SDAD1: variants seen among roughly 807,000 people sequenced by gnomAD.
The protein encoded by SDAD1 is protein SDA1 homolog.
Under a neutral mutation model 100.3 loss-of-function variants are expected in SDAD1, and 79 were observed. That is an observed-to-expected ratio of 0.79 (90% CI 0.66 to 0.95). The LOEUF is 0.95. SDAD1 is among the 40% of genes least tolerant of loss of function. The pLI is 0.00. For synonymous variants in SDAD1, 267 were observed against 271.4 expected, an observed-to-expected ratio of 0.98 and a Z score of 0.16; for missense variants, 790 against 810.9, an observed-to-expected ratio of 0.97 and a Z score of 0.31.
chr4:75,961,388 G>A, intron 14 of SDAD1, 80 bp from the exon 15 acceptor site: 1 of 1,047,852 alleles, frequency 9.5e-7, no homozygotes, highest in Non-Finnish European at 1.4e-6. Flanking sequence ...TTCCTAAAAA[G>A]ATTAACTCAA....
At chr4:75,957,297 A>G (rs1461117173) in intron 20 of SDAD1, 28 bp downstream of exon 20, 1 of 1,578,712 alleles carries the variant, frequency 6.3e-7, no homozygotes, top group Non-Finnish European at 8.6e-7. Context: ...TTTCTGTTTA[A>G]AAAACTAGGA....
intron 2 of SDAD1, 171 bp from the exon 3 acceptor site, chr4:75,981,641 A>G (rs1405047686): frequency 1.8e-6 from 2 of 1,141,240 alleles, no homozygotes; most frequent in African/African-American, 1.5e-5. Flanking sequence ...AACATTTATC[A>G]TGGTTTCTCT....
chr4:75,969,279 C>T lies in SDAD1; in HGVS notation c.987+17G>A, dbSNP rs774637738. On this transcript the variant is annotated intron_variant, in intron 11 of 21. Coordinates refer to ENST00000356260, the MANE Select transcript of SDAD1 (RefSeq NM_018115.4). Reference sequence around the variant, plus strand: ...TACTTCAAATATTCACCAAGAGAAACATAATATAATTCAAACCTCATGAAT... The same window carrying T: ...TACTTCAAATATTCACCAAGAGAAATATAATATAATTCAAACCTCATGAAT... 6.3e-7 allele frequency: 1 copy of T among 1,582,932 alleles called. No individual in the cohort carries two copies. The highest frequency in any genetic ancestry group is 2.2e-5 in the East Asian group (1 of 44,584).
chr4:75,952,621 G>A (rs1728677102), intron 21 of SDAD1, among the ~76,000 whole-genome samples: 1 of 152,138 alleles, frequency 6.6e-6, no homozygotes, highest in Non-Finnish European at 1.5e-5. Flanking sequence ...TCACCAAAGG[G>A]TAGGGGGGTG....
rs751975432 is a variant in SDAD1, at chr4:75,974,086, T to C, written c.626A>G (p.Lys209Arg). The change falls in exon 7 of 22, where the codon AAG becomes AGG. Residue 209 changes from lysine to arginine, a missense_variant. Transcript: ENST00000356260. The part of the protein sequence containing the change: ...VNVITTACFS[K>R]VTKILVAALT... Reference sequence around the variant, plus strand: ...CCTATAGGTGCTCACCTTGGTGACCTTAGAGAAACATGCAGTTGTGATAAC... The same window carrying C: ...CCTATAGGTGCTCACCTTGGTGACCCTAGAGAAACATGCAGTTGTGATAAC... 3 of 1,613,618 alleles carry C rather than the reference T, an allele frequency of 1.9e-6. No homozygotes were observed. The Admixed American group carries it at 5.0e-5, about 27-fold the overall frequency.
At chr4:75,956,415 T>G (rs1728898968) in intron 20 of SDAD1, among the ~76,000 whole-genome samples, 1 of 151,226 alleles carries the variant, frequency 6.6e-6, no homozygotes, top group African/African-American at 2.4e-5. Flanking sequence ...TTGTTTTTTT[T>G]TTTTTTGCAG....
At position 75,982,097 on chromosome 4, in the gene SDAD1, C is replaced by T. The variant is rs374841573; in HGVS notation, c.91-60G>A. The T allele has an allele frequency of 1.3e-4, 124 of 955,812 alleles. No homozygotes were observed. In the African/African-American group the frequency reaches 1.8e-3, roughly 14 times the overall value. 59.2% of individuals were successfully genotyped at this position (955,812 alleles called of 1,614,324 possible). ...TATTACATGACTTTCTCAGTACAGA[C>T]ATTCAGTAGAGAAATTCTTAGTAGA... On this transcript the variant is annotated intron_variant, in intron 1 of 21. Coordinates refer to ENST00000356260, the MANE Select transcript of SDAD1 (RefSeq NM_018115.4).
intron 1 of SDAD1, among the ~76,000 whole-genome samples, chr4:75,986,219 A>C (rs530839700): frequency 6.6e-6 from 1 of 152,200 alleles, no homozygotes; most frequent in African/African-American, 2.4e-5. Flanking sequence ...CCTGGGTTTA[A>C]TCAATCCAAC....
chr4:75,969,485 T>TA (rs755650053), intron 10 of SDAD1, 86 bp from the exon 11 acceptor site: 9 of 839,030 alleles, frequency 1.1e-5, no homozygotes, highest in Middle Eastern at 2.2e-4. Context: ...AGACAATAGT[T>TA]AGATCAGTGA....
chr4:75,970,337 T>G lies in SDAD1; in HGVS notation c.855A>C (p.Ser285=), dbSNP rs1209680955. 1.2e-6 allele frequency: 2 copies of G among 1,613,922 alleles called. No individual in the cohort carries two copies. Among genetic ancestry groups the G allele is most frequent in the Non-Finnish European group, 1.7e-6 (2 of 1,179,912 alleles). ...GGGGATCATGAATCAAGTGAATGGCTGAAAAGTTAAACACCTCTGGTTTTT... is the reference window on the plus strand; with the variant it reads ...GGGGATCATGAATCAAGTGAATGGCGGAAAAGTTAAACACCTCTGGTTTTT... ...KKKKPEVFNF[S]AIHLIHDPQD... Residue 285 remains serine, a synonymous_variant, in exon 10 of 22, where the codon TCA becomes TCC. Coordinates refer to ENST00000356260, the MANE Select transcript of SDAD1 (RefSeq NM_018115.4).
intron 12 of SDAD1, among the ~76,000 whole-genome samples, chr4:75,967,034 T>A (rs1729585998): frequency 6.6e-6 from 1 of 152,202 alleles, no homozygotes; most frequent in Non-Finnish European, 1.5e-5. Context: ...CCCAAAGTGC[T>A]GGGATTACAG....
rs1292606495 is a variant in SDAD1, at chr4:75,950,384, T to TAC, written c.*364_*365dup. 1.1e-5 allele frequency: 2 copies of TAC among 183,166 alleles called. No individual in the cohort carries two copies. Among genetic ancestry groups the TAC allele is most frequent in the Non-Finnish European group, 2.3e-5 (2 of 86,266 alleles). The allele number at this position is 183,166 out of a possible 1,614,324, so 11.3% of individuals were successfully genotyped here. A position where few individuals can be genotyped will look rare whatever the true frequency, so the allele number is the denominator to read the frequency against. On this transcript the variant is annotated 3_prime_UTR_variant, in exon 22 of 22. Coordinates refer to ENST00000356260, the MANE Select transcript of SDAD1 (RefSeq NM_018115.4). The stretch of plus-strand genomic sequence containing the variant: ...AGTTAACCTCTACTACAGAACTATT[T>TAC]ACACTGCACTGTAAATACACATATG...
At chr4:75,969,490 C>T (rs1729743295) in intron 10 of SDAD1, 91 bp from the exon 11 acceptor site, 3 of 798,168 alleles carry the variant, frequency 3.8e-6, no homozygotes, top group Non-Finnish European at 6.3e-6. Flanking sequence ...ATAGTTAGAT[C>T]AGTGAATAGA....
In SDAD1 at chr4:75,981,479, A is replaced by C; in HGVS notation, c.196-9T>G. ...GGGTAGCAGTGACTAATCTGTAACA[A>C]AGCAAAGGCTCTTCTGAAGTTGCTC... On this transcript the variant is annotated splice_polypyrimidine_tract_variant and intron_variant, in intron 2 of 21. Coordinates refer to ENST00000356260, the MANE Select transcript of SDAD1 (RefSeq NM_018115.4). 1.2e-6 allele frequency: 2 copies of C among 1,613,626 alleles called. No individual in the cohort carries two copies. Among genetic ancestry groups the C allele is most frequent in the Non-Finnish European group, 1.7e-6 (2 of 1,179,764 alleles).
intron 9 of SDAD1, 100 bp from the exon 10 acceptor site, chr4:75,970,478 T>TAA (rs1296259180): frequency 1.3e-6 from 1 of 798,272 alleles, no homozygotes; most frequent in Non-Finnish European, 1.9e-6. Context: ...TTAGACTCTT[T>TAA]AAAAAGAAAA....
chr4:75,966,267 T>TATAC (rs1457699990), intron 12 of SDAD1, among the ~76,000 whole-genome samples: 2 of 139,178 alleles, frequency 1.4e-5, no homozygotes, highest in African/African-American at 5.3e-5. Context: ...AATGAATGCA[T>TATAC]ACACACACAC....
chr4:75,975,729 A>G lies in SDAD1; in HGVS notation c.578+15T>C, dbSNP rs755805864. 1.9e-6 allele frequency: 3 copies of G among 1,568,048 alleles called. No individual in the cohort carries two copies. Among genetic ancestry groups the G allele is most frequent in the Non-Finnish European group, 2.6e-6 (3 of 1,139,804 alleles). On this transcript the variant is annotated intron_variant, in intron 6 of 21. Transcript: ENST00000356260. ...AAAGAGTCTACTTCTCAAGAGACAA[A>G]TATATATACACTACCAGATGTTCCT...
chr4:75,955,983 C>T lies in SDAD1; in HGVS notation c.2008G>A (p.Glu670Lys), dbSNP rs1323223589. The T allele has an allele frequency of 7.5e-6, 12 of 1,595,078 alleles. No homozygotes were observed. Among genetic ancestry groups the T allele is most frequent in the Non-Finnish European group, 1.0e-5 (12 of 1,175,400 alleles). Reference sequence around the variant, plus strand: ...CTTCAAGTGGAACTCACCTGTTTTTCTCGGAAGGAACGCTTATTTTTTGAC... The same window carrying T: ...CTTCAAGTGGAACTCACCTGTTTTTTTCGGAAGGAACGCTTATTTTTTGAC... ...VRSKNKRSFREKQLALRDALL... is the reference protein window; with the variant it reads ...VRSKNKRSFRKKQLALRDALL... The change falls in exon 21 of 22, where the codon GAA (glutamate) becomes AAA (lysine). Residue 670 changes from glutamate (E) to lysine (K), a missense_variant. Transcript: ENST00000356260.
intron 14 of SDAD1, 30 bp downstream of exon 14, chr4:75,964,105 A>G (rs1358604115): frequency 4.2e-6 from 6 of 1,431,846 alleles, no homozygotes; most frequent in Non-Finnish European, 5.9e-6. Context: ...TAAACAATGT[A>G]TCTTCTGCCT....
Sources: allele counts gnomAD v4.1 joint callset (sites outside exome capture counted in the v4.1 genomes callset), GRCh38; gene constraint gnomAD v4.1.1; transcripts MANE v1.5; gene names NCBI Gene and HGNC (gene_info 2026-07-23, HGNC 2026-07-21).